ARHGAP36: variants seen among roughly 807,000 people sequenced by gnomAD.
ARHGAP36 encodes Rho GTPase activating protein 36, also known as rho GTPase-activating protein 36.
Under a neutral mutation model 32.9 loss-of-function variants are expected in ARHGAP36, and 7 were observed. The ratio of observed to expected loss-of-function variants is 0.21; its 90% confidence interval spans 0.12 to 0.40. The LOEUF is 0.40. Ranked by LOEUF, ARHGAP36 falls within the 10% of genes least tolerant of loss-of-function variation. The pLI is 1.00. For missense variants in ARHGAP36, 383 were observed against 442.2 expected (o/e 0.87, Z 1.20); for synonymous variants, 165 against 168.3 (o/e 0.98, Z 0.15).
At position 131,084,609 on chromosome X, in the gene ARHGAP36, C is replaced by A. The variant is rs1347856455; in HGVS notation, c.749-17C>A. ...GGGATTCAGAGATGCTTAGCATCCC[C>A]TGGTCTTTTCTTTCAGGCTTAAGCG... On this transcript the variant is annotated splice_polypyrimidine_tract_variant and intron_variant, in intron 5 of 11. Transcript: ENST00000276211. 1.7e-6 allele frequency: 2 copies of A among 1,210,764 alleles called. No individual in the cohort carries two copies. The highest frequency in any genetic ancestry group is 5.9e-5 in the East Asian group (2 of 33,841).
intron 1 of ARHGAP36, among the ~76,000 whole-genome samples, chrX:131,070,670 G>A (rs1392050011): frequency 9.0e-6 from 1 of 111,359 alleles, no homozygotes; most frequent in African/African-American, 3.3e-5. Flanking sequence ...TCCTCTCCAC[G>A]GTATTATTGG....
chrX:131,082,058 G>A, intron 2 of ARHGAP36, 140 bp downstream of exon 2: 4 of 797,321 alleles, frequency 5.0e-6, no homozygotes, highest in Non-Finnish European at 7.0e-6. Context: ...TGGCGTCTGG[G>A]GAACTGAAGA....
chrX:131,078,394 A>G (rs1265373557), intron 1 of ARHGAP36, among the ~76,000 whole-genome samples: 3 of 112,300 alleles, frequency 2.7e-5, no homozygotes, highest in African/African-American at 9.7e-5. Context: ...TGTTTCTGCA[A>G]ATGTTTTGAA....
intron 4 of ARHGAP36, 38 bp from the exon 5 acceptor site, chrX:131,084,177 T>G: frequency 8.6e-7 from 1 of 1,161,758 alleles, no homozygotes; most frequent in Non-Finnish European, 1.2e-6. Context: ...TTGACTCTCT[T>G]TATTTCCCAT....
chrX:131,063,372 C>A (rs777252357), intron 1 of ARHGAP36, among the ~76,000 whole-genome samples: 3 of 111,753 alleles, frequency 2.7e-5, no homozygotes, highest in African/African-American at 6.5e-5. Context: ...CCTGCTCTAA[C>A]TATTCTCTGT....
chrX:131,073,125 G>A (rs1332619180), intron 1 of ARHGAP36: 1 of 112,804 alleles, frequency 8.9e-6, no homozygotes, highest in Admixed American at 9.3e-5. Flanking sequence ...GAGGAGACCT[G>A]AGAGTGTGGA....
intron 1 of ARHGAP36, among the ~76,000 whole-genome samples, chrX:131,064,276 C>T (rs2079685417): frequency 1.8e-5 from 2 of 111,492 alleles, no homozygotes; most frequent in South Asian, 3.8e-4. Flanking sequence ...ATTAACACTG[C>T]GAGGAGAAAC....
At chrX:131,088,325 C>T (rs1034645719) in intron 11 of ARHGAP36, among the ~76,000 whole-genome samples, 4 of 111,983 alleles carry the variant, frequency 3.6e-5, no homozygotes, top group Admixed American at 9.4e-5. Flanking sequence ...ATTAGGAGGT[C>T]GCCCTCTTAC....
chrX:131,058,780 G>A (rs752817475), intron 1 of ARHGAP36, among the ~76,000 whole-genome samples: 8 of 113,335 alleles, frequency 7.1e-5, no homozygotes, highest in Non-Finnish European at 1.3e-4. Flanking sequence ...GGACCCTCAA[G>A]GCCCAAGGAT....
At chrX:131,079,555 GTTTTTTGTT>G (rs1405575579) in intron 1 of ARHGAP36, among the ~76,000 whole-genome samples, 1 of 58,410 alleles carries the variant, frequency 1.7e-5, no homozygotes, top group African/African-American at 5.6e-5. Flanking sequence ...TTTGTTTTTT[GTTTTTTGTT>G]TTTTTTTTTT....
chrX:131,081,788 C>G lies in ARHGAP36; in HGVS notation c.123C>G (p.His41Gln). 8.2e-7 allele frequency: 1 copy of G among 1,212,172 alleles called. No homozygotes were observed. The highest frequency in any genetic ancestry group is 1.1e-6 in the Non-Finnish European group (1 of 895,651). Residue 41 changes from histidine to glutamine, a missense_variant, in exon 2 of 12, where the codon CAC becomes CAG. Physicochemically the swap from His to Gln is conservative, Grantham distance 24. Around this residue, in one of 2 missense-constraint regions of ARHGAP36, gnomAD observed 156 missense variants for 131.0 expected, o/e 1.19. Coordinates refer to ENST00000276211, the MANE Select transcript of ARHGAP36 (RefSeq NM_144967.4). ...GTGTCTTGGGAGGAGCCCCAGGACA[C>G]AACCCCGACCGCAGGACGAAGATGG... ...LVSVLGGAPG[H>Q]NPDRRTKMVS...
At chrX:131,081,303 A>G (rs1170426208) in intron 1 of ARHGAP36, among the ~76,000 whole-genome samples, 3 of 110,763 alleles carry the variant, frequency 2.7e-5, no homozygotes, top group African/African-American at 6.6e-5. Context: ...GAAAGAAAAA[A>G]AAAAACCTCT....
intron 1 of ARHGAP36, among the ~76,000 whole-genome samples, chrX:131,071,716 T>C (rs1015581191): frequency 8.9e-6 from 1 of 111,943 alleles, no homozygotes; most frequent in African/African-American, 3.3e-5. Context: ...TCCCTTCCTT[T>C]TTCTTCCTTC....
chrX:131,080,099 A>G (rs2079787469), intron 1 of ARHGAP36, among the ~76,000 whole-genome samples: 1 of 111,934 alleles, frequency 8.9e-6, no homozygotes, highest in African/African-American at 3.3e-5. Context: ...CTTCAGGAAA[A>G]AGTCCGACTC....
Position 131,081,584 on chromosome X carries a change from C to G in ARHGAP36, c.-82C>G. On this transcript the variant is annotated 5_prime_UTR_variant, in exon 2 of 12. Coordinates refer to ENST00000276211, the MANE Select transcript of ARHGAP36 (RefSeq NM_144967.4). ...AGCCGCCTCCCAGTTTTCCCTCCCC[C>G]TCTACCCCCACCCCCATAGTTCTCT... 2 of 1,127,290 alleles carry G rather than the reference C, an allele frequency of 1.8e-6. No homozygotes were observed. The highest frequency in any genetic ancestry group is 2.4e-6 in the Non-Finnish European group (2 of 849,174). 92.9% of individuals were successfully genotyped at this position (1,127,290 alleles called of 1,213,427 possible).
At chrX:131,062,112 ATCCCC>A (rs2079672717) in intron 1 of ARHGAP36, among the ~76,000 whole-genome samples, 1 of 112,480 alleles carries the variant, frequency 8.9e-6, no homozygotes. Flanking sequence ...TCTGTGATAT[ATCCCC>A]TTATTAGATT....
At chrX:131,083,648 G>C (rs903698491) in intron 3 of ARHGAP36, 86 bp from the exon 4 acceptor site, 1 of 968,959 alleles carries the variant, frequency 1.0e-6, no homozygotes, top group African/African-American at 1.9e-5. Flanking sequence ...GTGGTTGCTG[G>C]GAGGAGTGCT....
intron 1 of ARHGAP36, among the ~76,000 whole-genome samples, chrX:131,059,618 G>T (rs948217600): frequency 1.8e-5 from 2 of 112,070 alleles, no homozygotes; most frequent in African/African-American, 6.5e-5. Context: ...AAAGACTACA[G>T]CTTGCTTAGG....
intron 1 of ARHGAP36, 87 bp from the exon 2 acceptor site, chrX:131,081,437 C>G: frequency 4.3e-6 from 3 of 703,912 alleles, no homozygotes; most frequent in East Asian, 4.8e-5. Context: ...TCTCTTTGTA[C>G]TTTTTTTTTC....
Sources: gnomAD v4.1 joint callset for allele counts (sites outside exome capture counted in the v4.1 genomes callset) on GRCh38, gnomAD v4.1.1 for gene constraint, gnomAD v4.1.1 regional missense constraint, MANE v1.5 for transcripts, NCBI Gene and HGNC (gene_info 2026-07-23, HGNC 2026-07-21) for gene names.